MAP6: variants seen among roughly 807,000 people sequenced by gnomAD.
The protein encoded by MAP6 is microtubule associated protein 6.
MAP6 carries 26 observed loss-of-function variants against 42.4 expected under a neutral mutation model. The observed-to-expected ratio is 0.61, with a 90% confidence interval of 0.45 to 0.85. The LOEUF (loss-of-function observed/expected upper bound fraction) is 0.85. MAP6 is among the 40% of genes least tolerant of loss of function. The pLI, the probability that MAP6 is intolerant of heterozygous loss-of-function variation, is 0.00. For synonymous variants in MAP6, 418 were observed against 443.8 expected (o/e 0.94, Z 0.73); for missense variants, 966 against 1,099.0 (o/e 0.88, Z 1.71).
chr11:75,625,692 C>CA (rs1327169594), intron 1 of MAP6, among the ~76,000 whole-genome samples: 27 of 152,198 alleles, frequency 1.8e-4, no homozygotes, highest in African/African-American at 6.0e-4. Flanking sequence ...GTACAGAAAA[C>CA]AAAAAACAAA....
At chr11:75,615,122 A>C (rs927479512) in intron 1 of MAP6, among the ~76,000 whole-genome samples, 5 of 152,226 alleles carry the variant, frequency 3.3e-5, no homozygotes, top group Admixed American at 3.3e-4. Context: ...AGCCTTTCGG[A>C]AGTGCAGACA....
At chr11:75,604,681 C>T in intron 3 of MAP6, 2 of 985,318 alleles carry the variant, frequency 2.0e-6, no homozygotes, top group Non-Finnish European at 2.4e-6. Flanking sequence ...CCCTTGGGGG[C>T]TTTGGCCACA....
chr11:75,604,492 G>A (rs1590760570), intron 3 of MAP6: 1 of 985,156 alleles, frequency 1.0e-6, no homozygotes, highest in Non-Finnish European at 1.2e-6. Flanking sequence ...GGGGACAAGA[G>A]GATTTTAAGG....
At chr11:75,642,811 T>C (rs1943495593) in intron 1 of MAP6, 1 of 417,206 alleles carries the variant, frequency 2.4e-6, no homozygotes, top group Non-Finnish European at 5.0e-6. Flanking sequence ...CTAAAAATTG[T>C]CACCGCAGAC....
intron 2 of MAP6, chr11:75,607,068 G>A (rs1262543172): frequency 4.5e-6 from 1 of 223,730 alleles, no homozygotes; most frequent in African/African-American, 2.3e-5. Context: ...ACTCACTGAG[G>A]TGCAGCGGCT....
chr11:75,668,063 C>A lies in MAP6; in HGVS notation c.307G>T (p.Gly103Trp). The A allele has an allele frequency of 8.1e-7, 1 of 1,228,130 alleles. No individual in the cohort carries two copies. The highest frequency in any genetic ancestry group is 1.0e-6 in the Non-Finnish European group (1 of 988,202). The allele number at this position is 1,228,130 out of a possible 1,614,324, so 76.1% of individuals were successfully genotyped here. The change falls in exon 1 of 4, where the codon GGG (glycine) becomes TGG (tryptophan). Residue 103 changes from glycine (G) to tryptophan (W), a missense_variant. Gly to Trp is a radical substitution (Grantham distance 184, BLOSUM62 -2). Transcript: ENST00000304771. ...CCGGAGCCCAGGCCCGGGCCCGGCC[C>A]GCTCCGGCCGGGGCCCGCCGCCGGC... is the stretch of plus-strand genomic sequence containing the variant. ...REPAAGPGRS[G>W]PGPGLGSGST...
At chr11:75,647,880 TCTGTC>T (rs1435880095) in intron 1 of MAP6, among the ~76,000 whole-genome samples, 1 of 152,050 alleles carries the variant, frequency 6.6e-6, no homozygotes, top group Non-Finnish European at 1.5e-5. Context: ...CCAAAAGAGA[TCTGTC>T]CTGTTAAAAA....
At chr11:75,603,565 G>C in intron 3 of MAP6, 1 of 971,918 alleles carries the variant, frequency 1.0e-6, no homozygotes, top group Non-Finnish European at 1.2e-6. Context: ...CCTTGGGTGA[G>C]GGTAGGAAGT....
intron 1 of MAP6, among the ~76,000 whole-genome samples, chr11:75,645,340 T>A (rs577934059): frequency 2.6e-5 from 4 of 151,508 alleles, no homozygotes; most frequent in Non-Finnish European, 5.9e-5. Flanking sequence ...TGTTTAGGGT[T>A]CTGGGTGGGG....
chr11:75,598,175 T>A (rs918452034), intron 3 of MAP6, among the ~76,000 whole-genome samples: 1 of 152,230 alleles, frequency 6.6e-6, no homozygotes, highest in Non-Finnish European at 1.5e-5. Context: ...GAACCAAATA[T>A]ATTCGAAGAG....
chr11:75,638,910 C>A (rs1590793427), intron 1 of MAP6, among the ~76,000 whole-genome samples: 1 of 152,312 alleles, frequency 6.6e-6, no homozygotes, highest in East Asian at 1.9e-4. Flanking sequence ...CTGTGTCCAT[C>A]AACAGATGAG....
chr11:75,658,568 C>T (rs1192914678), intron 1 of MAP6, among the ~76,000 whole-genome samples: 3 of 152,152 alleles, frequency 2.0e-5, no homozygotes, highest in Non-Finnish European at 4.4e-5. Context: ...AGTTTCTTCC[C>T]TGGACTCTGT....
intron 3 of MAP6, chr11:75,604,598 T>G (rs544028881): frequency 1.6e-5 from 15 of 920,614 alleles, no homozygotes; most frequent in Non-Finnish European, 1.7e-5. Flanking sequence ...AGCACTGGGG[T>G]TTTTTTTTTC....
intron 1 of MAP6, among the ~76,000 whole-genome samples, chr11:75,613,168 G>GCCC (rs1942933947): frequency 2.6e-5 from 4 of 152,078 alleles, no homozygotes; most frequent in Admixed American, 1.3e-4. Flanking sequence ...TTAAAGGCTT[G>GCCC]ACATTCAGTG....
At chr11:75,652,592 C>G (rs1943666349) in intron 1 of MAP6, among the ~76,000 whole-genome samples, 1 of 152,102 alleles carries the variant, frequency 6.6e-6, no homozygotes, top group African/African-American at 2.4e-5. Flanking sequence ...AATCCCAGCA[C>G]TTTAAGAGGC....
At chr11:75,630,200 T>A (rs1943263828) in intron 1 of MAP6, among the ~76,000 whole-genome samples, 1 of 152,230 alleles carries the variant, frequency 6.6e-6, no homozygotes, top group South Asian at 2.1e-4. Context: ...ATGGGACTCC[T>A]GGGCTTAAAC....
chr11:75,652,174 C>T (rs1943657551), intron 1 of MAP6, among the ~76,000 whole-genome samples: 1 of 152,008 alleles, frequency 6.6e-6, no homozygotes, highest in African/African-American at 2.4e-5. Flanking sequence ...ATATAAGTAC[C>T]TACTTAATAA....
rs777777280 is a variant in MAP6, at chr11:75,587,458, C to G, written c.2043G>C (p.Lys681Asn). ...NQGLVVSGPV[K>N]DQDVVVPEHA... ...GCTCTGGGACTACAACATCTTGATC[C>G]TTGACTGGCCCTGAGACCACTAAAC... The change falls in exon 4 of 4, where the codon AAG (lysine) becomes AAC (asparagine). Residue 681 changes from lysine to asparagine, a missense_variant. Coordinates refer to ENST00000304771, the MANE Select transcript of MAP6 (RefSeq NM_033063.2). 2 of 1,614,056 alleles carry G rather than the reference C, an allele frequency of 1.2e-6. No individual in the cohort carries two copies. Among genetic ancestry groups the G allele is most frequent in the Non-Finnish European group, 1.7e-6 (2 of 1,180,006 alleles).
chr11:75,589,219 G>A (rs1366931037), intron 3 of MAP6, among the ~76,000 whole-genome samples: 1 of 152,140 alleles, frequency 6.6e-6, no homozygotes, highest in African/African-American at 2.4e-5. Flanking sequence ...AGAATCCTCA[G>A]GCACTGTTCC....
Sources: gnomAD v4.1 joint callset for allele counts (sites outside exome capture counted in the v4.1 genomes callset) on GRCh38, gnomAD v4.1.1 for gene constraint, MANE v1.5 for transcripts, NCBI Gene and HGNC (gene_info 2026-07-23, HGNC 2026-07-21) for gene names.